The following ZNF37A variants were observed in gnomAD, a reference collection of about 807,000 sequenced individuals.
ZNF37A encodes zinc finger protein 37A.
Under a neutral mutation model 12.3 loss-of-function variants are expected in ZNF37A, and 10 were observed. The observed-to-expected ratio is 0.82, with a 90% CI of 0.50 to 1.38. The LOEUF is 1.38. Among genes scored for constraint, ZNF37A ranks in the 40% most tolerant of loss-of-function variants. The pLI, the probability that ZNF37A is intolerant of heterozygous loss-of-function variation, is 0.00. For missense variants in ZNF37A, 580 were observed against 651.2 expected, an observed-to-expected ratio of 0.89 and a Z score of 1.19; for synonymous variants, 207 against 223.0, an observed-to-expected ratio of 0.93 and a Z score of 0.64.
intron 7 of ZNF37A, chr10:38,143,220 C>T (rs1415275117): frequency 6.6e-6 from 1 of 152,136 alleles, no homozygotes; most frequent in South Asian, 2.1e-4. Flanking sequence ...TGAAACCAGA[C>T]AGAATTGGAT....
intron 5 of ZNF37A, among the ~76,000 whole-genome samples, chr10:38,112,737 T>TGGTCTTGGTCTCGGTCTCGG (rs1564931757): frequency 1.4e-5 from 1 of 72,002 alleles, no homozygotes; most frequent in African/African-American, 5.3e-5. Flanking sequence ...TCCATTTTCT[T>TGGTCTTGGTCTCGGTCTCGG]TTCTTTTCTT....
chr10:38,097,346 G>A (rs1227539436), intron 5 of ZNF37A, among the ~76,000 whole-genome samples: 2 of 152,040 alleles, frequency 1.3e-5, no homozygotes, highest in East Asian at 1.9e-4. Flanking sequence ...TTGGGAGGGC[G>A]AGGTGGGTGG....
intron 7 of ZNF37A, among the ~76,000 whole-genome samples, chr10:38,136,505 T>A (rs2070109821): frequency 6.6e-6 from 1 of 152,236 alleles, no homozygotes; most frequent in Non-Finnish European, 1.5e-5. Context: ...CTAAGGTTTC[T>A]CATGAGGAAT....
chr10:38,097,229 A>C (rs2067218267), intron 5 of ZNF37A, among the ~76,000 whole-genome samples: 1 of 152,208 alleles, frequency 6.6e-6, no homozygotes, highest in Non-Finnish European at 1.5e-5. Flanking sequence ...GAAGTGAATA[A>C]TTCATGTGCA....
Position 38,101,587 on chromosome 10 carries a change from C to CTT in ZNF37A, c.15+4966_15+4967dup, listed in dbSNP as rs35103940. Among the ~76,000 whole-genome samples, 228 of 144,542 alleles carry CTT rather than the reference C, an allele frequency of 1.6e-3. 2 individuals carry two copies. The highest frequency in any genetic ancestry group is 4.6e-3 in the African/African-American group (183 of 39,514). 94.8% of individuals were successfully genotyped at this position (144,542 alleles called of 152,430 possible). ...TACTATGTCTCCTTTGTAGACTGAC[C>CTT]TTTTTTTTTTTTAATCAATATGTAA... is the stretch of plus-strand genomic sequence containing the variant. On this transcript the variant is annotated intron_variant, in intron 5 of 7. Coordinates refer to ENST00000685332, the MANE Select transcript of ZNF37A (RefSeq NM_001324250.3).
chr10:38,129,304 T>TAAAAAAAAAAAAAAAAA (rs775705417), downstream of ZNF37A, among the ~76,000 whole-genome samples: 19 of 56,890 alleles, frequency 3.3e-4, 1 homozygote, highest in African/African-American at 6.1e-4. Context: ...AGACTCTGTC[T>TAAAAAAAAAAAAAAAAA]AAAAAAAAAA....
chr10:38,134,908 G>C lies in ZNF37A; in HGVS notation c.239-11824G>C, dbSNP rs138577676. 2.0e-5 allele frequency among the ~76,000 whole-genome samples: 3 copies of C among 152,288 alleles called. No homozygotes were observed. In the East Asian group the frequency reaches 5.8e-4, roughly 29 times the overall value. ...TTTTTGATATGCGTTATAAGTTTTT[G>C]TTCCTTACTTCCTTCATTACTGCCT... On this transcript the variant is annotated intron_variant, in intron 7 of 7. Coordinates refer to the ZNF37A transcript ENST00000638053.
At chr10:38,141,427 C>G (rs1159603346) in intron 7 of ZNF37A, 1 of 152,098 alleles carries the variant, frequency 6.6e-6, no homozygotes, top group African/African-American at 2.4e-5. Context: ...CTAGTCTAGT[C>G]AGACAAACAT....
intron 5 of ZNF37A, among the ~76,000 whole-genome samples, chr10:38,107,892 A>C (rs2068266269): frequency 6.6e-6 from 1 of 152,206 alleles, no homozygotes; most frequent in African/African-American, 2.4e-5. Context: ...AGACTCCTAC[A>C]CAATAATAGT....
chr10:38,132,065 T>TA (rs2070035207), intron 7 of ZNF37A, among the ~76,000 whole-genome samples: 1 of 152,174 alleles, frequency 6.6e-6, no homozygotes, highest in Admixed American at 6.5e-5. Context: ...CATCTGCAAA[T>TA]AGAGATATTT....
rs761362789 is a variant in ZNF37A at position 38,122,549 on chromosome 10, T to C, written c.*3712T>C. The C allele has an allele frequency of 1.3e-5, 2 of 152,194 alleles. No individual in the cohort carries two copies. The highest frequency in any genetic ancestry group is 2.9e-5 in the Non-Finnish European group (2 of 68,052). 9.4% of individuals were successfully genotyped at this position (152,194 alleles called of 1,614,324 possible). On this transcript the variant is annotated 3_prime_UTR_variant, in exon 8 of 8. Transcript: ENST00000685332. ...TTCATACATCTATGGTGACCACTTTTGACAAAGGAATGAAGAACATACACT... is the reference window on the plus strand; with the variant it reads ...TTCATACATCTATGGTGACCACTTTCGACAAAGGAATGAAGAACATACACT...
chr10:38,096,585 C>T lies in ZNF37A; in HGVS notation c.-33C>T. ...TTCTTATTTCTCAGCTACACCCTCA[C>T]AGTTTGCTCTGCTCTTCCAACACCA... On this transcript the variant is annotated 5_prime_UTR_variant, in exon 5 of 8. Transcript: ENST00000685332. 2 of 1,609,316 alleles carry T rather than the reference C, an allele frequency of 1.2e-6. No homozygotes were observed. The highest frequency in any genetic ancestry group is 1.7e-6 in the Non-Finnish European group (2 of 1,178,288).
chr10:38,110,937 A>G (rs1165398477), intron 5 of ZNF37A, among the ~76,000 whole-genome samples: 1 of 152,206 alleles, frequency 6.6e-6, no homozygotes, highest in Non-Finnish European at 1.5e-5. Context: ...TTCCTGAAGG[A>G]TCTAGAACCA....
rs1296386537 is a variant in ZNF37A, at chr10:38,118,343, C to T, written c.1192C>T (p.Leu398Phe). 2 of 1,613,542 alleles carry T rather than the reference C, an allele frequency of 1.2e-6. No individual in the cohort carries two copies. Among genetic ancestry groups the T allele is most frequent in the Non-Finnish European group, 1.7e-6 (2 of 1,179,950 alleles). Reference sequence around the variant, plus strand: ...GAAAGCCTTTCTCAGAAAATCAGACCTCATTAAACATCAAAGAATACACAC... The same window carrying T: ...GAAAGCCTTTCTCAGAAAATCAGACTTCATTAAACATCAAAGAATACACAC... ...CGKAFLRKSD[L>F]IKHQRIHTGE... Residue 398 changes from leucine (L) to phenylalanine (F), a missense_variant, in exon 8 of 8, where the codon CTC becomes TTC. Coordinates refer to ENST00000685332, the MANE Select transcript of ZNF37A (RefSeq NM_001324250.3).
At chr10:38,115,927 T>G (rs1218140408) in intron 7 of ZNF37A, among the ~76,000 whole-genome samples, 2 of 151,860 alleles carry the variant, frequency 1.3e-5, no homozygotes, top group African/African-American at 4.8e-5. Context: ...CACACACCTG[T>G]GGTCCCATGC....
At chr10:38,104,775 T>C (rs939313735) in intron 5 of ZNF37A, among the ~76,000 whole-genome samples, 2 of 151,228 alleles carry the variant, frequency 1.3e-5, no homozygotes, top group Admixed American at 6.6e-5. Context: ...TATGTATACA[T>C]ACACACACAC....
intron 7 of ZNF37A, among the ~76,000 whole-genome samples, chr10:38,134,184 G>T (rs566215851): frequency 6.6e-6 from 1 of 152,044 alleles, no homozygotes; most frequent in Non-Finnish European, 1.5e-5. Flanking sequence ...TTAGCCATTC[G>T]TCCAATCTTC....
chr10:38,146,463 G>A (rs1400133907), intron 7 of ZNF37A, among the ~76,000 whole-genome samples: 1 of 152,096 alleles, frequency 6.6e-6, no homozygotes, highest in Non-Finnish European at 1.5e-5. Context: ...ATTGGACTTA[G>A]GGATAAATTA....
At position 38,146,839 on chromosome 10, in the gene ZNF37A, A is replaced by G. The variant is rs2070261973; in HGVS notation, c.*19A>G. The G allele has an allele frequency of 1.0e-5, 4 of 398,270 alleles. No homozygotes were observed. In the South Asian group the frequency reaches 5.1e-4, roughly 51 times the overall value. The allele number at this position is 398,270 out of a possible 1,614,324, so 24.7% of individuals were successfully genotyped here. A position where few individuals can be genotyped will look rare whatever the true frequency, so the allele number is the denominator to read the frequency against. On this transcript the variant is annotated 3_prime_UTR_variant, in exon 8 of 8. Transcript: ENST00000638053. Reference sequence around the variant, plus strand: ...GCACTAGAGGAATGAAGACAAAGACAAAGACACAGAAATAAAGTGCAAAGT... The same window carrying G: ...GCACTAGAGGAATGAAGACAAAGACGAAGACACAGAAATAAAGTGCAAAGT...
Sources: allele counts gnomAD v4.1 joint callset (sites outside exome capture counted in the v4.1 genomes callset), GRCh38; gene constraint gnomAD v4.1.1; transcripts MANE v1.5; gene names NCBI Gene and HGNC (gene_info 2026-07-23, HGNC 2026-07-21).